The following KAT6B variants were observed in gnomAD, a reference collection of about 807,000 sequenced individuals.
KAT6B encodes the protein histone acetyltransferase KAT6B.
Under a neutral mutation model 187.5 loss-of-function variants are expected in KAT6B, and 10 were observed. The observed-to-expected ratio is 0.05, with a 90% CI of 0.03 to 0.09. The LOEUF (loss-of-function observed/expected upper bound fraction) is 0.09. Among genes scored for constraint, KAT6B ranks in the 10% least tolerant of loss-of-function variants. The probability of loss-of-function intolerance (pLI) is 1.00; values close to 1 mark genes in which losing one functional copy is unlikely to be tolerated. For synonymous variants in KAT6B, 861 were observed against 926.8 expected (o/e 0.93, Z 1.29); for missense variants, 1,952 against 2,558.9 (o/e 0.76, Z 5.12).
chr10:74,948,726 T>G (rs149708904), intron 3 of KAT6B, among the ~76,000 whole-genome samples: 4 of 152,356 alleles, frequency 2.6e-5, no homozygotes, highest in African/African-American at 9.6e-5. Flanking sequence ...TTGCTTGTGT[T>G]TCTTGTAAAT....
chr10:75,028,729 C>T lies in KAT6B; in HGVS notation c.3905C>T (p.Pro1302Leu). 1 of 1,613,964 alleles carries T rather than the reference C, an allele frequency of 6.2e-7. No individual in the cohort carries two copies. Among genetic ancestry groups the T allele is most frequent in the Non-Finnish European group, 8.5e-7 (1 of 1,180,020 alleles). Reference protein sequence around the residue: ...QKETSEGKTSPSPIRIEEEVK... With the variant: ...QKETSEGKTSLSPIRIEEEVK... ...GAGACTTCAGAAGGAAAAACCAGCC[C>T]CAGTCCCATCAGGATTGAGGAGGAG... The change falls in exon 18 of 18, where the codon CCC becomes CTC. Residue 1302 changes from proline (P) to leucine (L), a missense_variant. Transcript: ENST00000287239.
intron 10 of KAT6B, among the ~76,000 whole-genome samples, chr10:74,980,584 G>A (rs193040299): frequency 2.6e-5 from 4 of 152,294 alleles, no homozygotes; most frequent in Admixed American, 6.5e-5. Flanking sequence ...TGCTCTGAAA[G>A]ATTTGAATAA....
chr10:74,967,074 C>T (rs530105112), intron 4 of KAT6B, among the ~76,000 whole-genome samples: 1 of 151,542 alleles, frequency 6.6e-6, no homozygotes, highest in Admixed American at 6.6e-5. Flanking sequence ...CACCTGTAAT[C>T]CCAGCACTTT....
chr10:74,993,833 C>T (rs939949459), intron 13 of KAT6B, among the ~76,000 whole-genome samples: 3 of 152,144 alleles, frequency 2.0e-5, no homozygotes, highest in African/African-American at 7.2e-5. Flanking sequence ...TTAGGCTGTA[C>T]ATTTTTTGGC....
chr10:74,902,789 G>T (rs898768071), intron 3 of KAT6B, among the ~76,000 whole-genome samples: 1 of 152,140 alleles, frequency 6.6e-6, no homozygotes, highest in African/African-American at 2.4e-5. Context: ...CTAATATTAA[G>T]TGTGGCATCA....
At chr10:74,919,184 C>T (rs983788392) in intron 3 of KAT6B, among the ~76,000 whole-genome samples, 1 of 152,110 alleles carries the variant, frequency 6.6e-6, no homozygotes, top group African/African-American at 2.4e-5. Context: ...GATCGCACCA[C>T]TTCACTCCAG....
chr10:75,031,323 G>A lies in KAT6B; in HGVS notation c.*277G>A, dbSNP rs1326504943. On this transcript the variant is annotated 3_prime_UTR_variant, in exon 18 of 18. Coordinates refer to ENST00000287239, the MANE Select transcript of KAT6B (RefSeq NM_012330.4). The stretch of plus-strand genomic sequence containing the variant: ...AGGCCTCTCTTTGGACTACAATTTG[G>A]AGGCAGCCACTTGTTGTGCCTGCTT... The A allele has an allele frequency of 8.6e-6, 4 of 466,696 alleles. No homozygotes were observed. Among genetic ancestry groups the A allele is most frequent in the Non-Finnish European group, 1.6e-5 (4 of 257,438 alleles). The allele number at this position is 466,696 out of a possible 1,614,324, so 28.9% of individuals were successfully genotyped here. A position where few individuals can be genotyped will look rare whatever the true frequency, so the allele number is the denominator to read the frequency against.
At chr10:75,025,556 G>A in intron 17 of KAT6B, 1 of 310,750 alleles carries the variant, frequency 3.2e-6, no homozygotes. Context: ...ACATTTCTTT[G>A]ATTCTAATAT....
chr10:74,986,614 A>G (rs1842826032), intron 12 of KAT6B, among the ~76,000 whole-genome samples: 1 of 152,254 alleles, frequency 6.6e-6, no homozygotes, highest in Admixed American at 6.5e-5. Flanking sequence ...CATATTTGGT[A>G]AAGCTTTAAA....
Position 74,886,669 on chromosome 10 carries a change from T to G in KAT6B, c.621+43191T>G, listed in dbSNP as rs553162837. Among the ~76,000 whole-genome samples, 6 of 152,304 alleles carry G rather than the reference T, an allele frequency of 3.9e-5. No homozygotes were observed. In the South Asian group the frequency reaches 8.3e-4, roughly 21 times the overall value. ...ACAAGCCACAGAAACATAGGCTGCA[T>G]CTGCTCCTACTCTGTACTTCCACCT... On this transcript the variant is annotated intron_variant, in intron 3 of 17. Transcript: ENST00000287239.
intron 1 of KAT6B, chr10:74,827,041 G>T (rs1840313185): frequency 7.1e-6 from 1 of 140,254 alleles, no homozygotes; most frequent in Admixed American, 7.1e-5. Context: ...GGGCGGGGCG[G>T]GATCGGGTGG....
intron 3 of KAT6B, among the ~76,000 whole-genome samples, chr10:74,954,160 C>T (rs754658343): frequency 2.0e-5 from 3 of 152,152 alleles, no homozygotes; most frequent in South Asian, 2.1e-4. Context: ...CCTGATGGGG[C>T]CCATCCAGTC....
At chr10:75,017,188 C>A (rs1319506312) in intron 13 of KAT6B, among the ~76,000 whole-genome samples, 1 of 152,068 alleles carries the variant, frequency 6.6e-6, no homozygotes, top group Non-Finnish European at 1.5e-5. Context: ...TATTTCCCTG[C>A]ATCTTAGATC....
At chr10:74,835,874 A>G (rs1841263631) in intron 1 of KAT6B, among the ~76,000 whole-genome samples, 1 of 152,242 alleles carries the variant, frequency 6.6e-6, no homozygotes, top group Non-Finnish European at 1.5e-5. Flanking sequence ...AAAGTGAACA[A>G]ATCAGTGGCA....
chr10:74,921,111 T>A (rs1215263770), intron 3 of KAT6B, among the ~76,000 whole-genome samples: 1 of 89,968 alleles, frequency 1.1e-5, no homozygotes, highest in Non-Finnish European at 1.8e-5. Context: ...AGTCTAAATT[T>A]TTTTTTTTTT....
chr10:74,859,539 T>G (rs532957512), intron 3 of KAT6B, among the ~76,000 whole-genome samples: 1 of 152,230 alleles, frequency 6.6e-6, no homozygotes, highest in African/African-American at 2.4e-5. Flanking sequence ...AACATGAACT[T>G]GAGGTAACGA....
intron 3 of KAT6B, among the ~76,000 whole-genome samples, chr10:74,883,893 AG>A (rs1845046761): frequency 6.6e-6 from 1 of 152,164 alleles, no homozygotes; most frequent in African/African-American, 2.4e-5. Flanking sequence ...GAGGTGCTGA[AG>A]CTGTGCTTTC....
intron 11 of KAT6B, chr10:74,983,167 CTAGGCACT>C (rs1336370398): frequency 1.1e-4 from 16 of 152,166 alleles, no homozygotes; most frequent in African/African-American, 3.9e-4. Context: ...TTACTAAAAG[CTAGGCACT>C]TTTGACATTT....
chr10:74,976,611 T>C (rs1842177447), intron 8 of KAT6B: 1 of 488,356 alleles, frequency 2.0e-6, no homozygotes, highest in African/African-American at 2.0e-5. Context: ...GCATTGCTTA[T>C]GGCTTTGTAG....
Sources: allele counts gnomAD v4.1 joint callset (sites outside exome capture counted in the v4.1 genomes callset), GRCh38; gene constraint gnomAD v4.1.1; transcripts MANE v1.5; gene names NCBI Gene and HGNC (gene_info 2026-07-23, HGNC 2026-07-21).